MAGI2: variants seen among roughly 807,000 people sequenced by gnomAD.
The protein encoded by MAGI2 is membrane-associated guanylate kinase, WW and PDZ domain-containing protein 2.
Under a neutral mutation model 133.3 loss-of-function variants are expected in MAGI2, and 35 were observed. That is an observed-to-expected ratio of 0.26 (90% CI 0.20 to 0.35). The LOEUF (loss-of-function observed/expected upper bound fraction) is 0.35. Ranked by LOEUF, MAGI2 falls within the 10% of genes least tolerant of loss-of-function variation. The pLI, the probability that MAGI2 is intolerant of heterozygous loss-of-function variation, is 1.00. For missense variants in MAGI2, 1,636 were observed against 1,863.4 expected, an observed-to-expected ratio of 0.88 and a Z score of 2.25; for synonymous variants, 729 against 710.6, an observed-to-expected ratio of 1.03 and a Z score of -0.41.
chr7:78,697,895 GAA>G (rs1208251967), intron 2 of MAGI2, among the ~76,000 whole-genome samples: 1 of 151,810 alleles, frequency 6.6e-6, no homozygotes, highest in Non-Finnish European at 1.5e-5. Context: ...TCCAGCTATA[GAA>G]AAAAAGTATA....
chr7:79,321,501 A>T (rs10237279), intron 1 of MAGI2, among the ~76,000 whole-genome samples: 7,863 of 152,272 alleles, frequency 0.052, 654 homozygotes, highest in African/African-American at 0.18. Context: ...GTTGGAAAGT[A>T]GTGTCTACTG....
At chr7:78,046,182 G>T (rs972933597) in intron 21 of MAGI2, among the ~76,000 whole-genome samples, 2 of 150,952 alleles carry the variant, frequency 1.3e-5, no homozygotes, top group African/African-American at 2.4e-5. Context: ...GATCACTTGA[G>T]GTCAGGAGTT....
chr7:79,440,466 A>T (rs1848427087), intron 1 of MAGI2, among the ~76,000 whole-genome samples: 1 of 152,054 alleles, frequency 6.6e-6, no homozygotes, highest in African/African-American at 2.4e-5. Context: ...AAATTTCTTG[A>T]GCCCTACCAG....
At chr7:79,108,657 C>T (rs577742282) in intron 1 of MAGI2, among the ~76,000 whole-genome samples, 2 of 152,206 alleles carry the variant, frequency 1.3e-5, no homozygotes, top group South Asian at 2.1e-4. Flanking sequence ...TAGATTTTAC[C>T]ATATAACTGT....
At chr7:78,371,295 G>T (rs1338591958) in intron 6 of MAGI2, among the ~76,000 whole-genome samples, 2 of 151,774 alleles carry the variant, frequency 1.3e-5, no homozygotes, top group East Asian at 3.9e-4. Context: ...AGAAGTAAAA[G>T]AATATACAGA....
At chr7:78,799,461 T>C (rs1275700760) in intron 2 of MAGI2, among the ~76,000 whole-genome samples, 1 of 152,188 alleles carries the variant, frequency 6.6e-6, no homozygotes, top group Non-Finnish European at 1.5e-5. Context: ...CACCATTGTG[T>C]ACACATGTAA....
At chr7:78,441,602 T>C (rs1015411499) in intron 6 of MAGI2, among the ~76,000 whole-genome samples, 1 of 151,892 alleles carries the variant, frequency 6.6e-6, no homozygotes, top group African/African-American at 2.4e-5. Context: ...GGTCCCTCTA[T>C]TACAATTAGT....
chr7:78,138,761 C>A (rs528602898), intron 16 of MAGI2, among the ~76,000 whole-genome samples: 14 of 151,838 alleles, frequency 9.2e-5, no homozygotes. Context: ...ATCCTTATAG[C>A]AATAGTGTGA....
intron 6 of MAGI2, among the ~76,000 whole-genome samples, chr7:78,412,375 G>A (rs528134199): frequency 2.0e-5 from 3 of 152,156 alleles, no homozygotes; most frequent in East Asian, 1.9e-4. Flanking sequence ...AAATGATCAC[G>A]GTGCTTGAGG....
chr7:78,043,837 T>G (rs1811114141), intron 21 of MAGI2, among the ~76,000 whole-genome samples: 1 of 152,216 alleles, frequency 6.6e-6, no homozygotes, highest in Non-Finnish European at 1.5e-5. Flanking sequence ...CCTCAAAAAC[T>G]AACAAACTGA....
chr7:79,280,574 T>A (rs190827605), intron 1 of MAGI2, among the ~76,000 whole-genome samples: 33 of 152,226 alleles, frequency 2.2e-4, no homozygotes, highest in South Asian at 1.0e-3. Flanking sequence ...TACATTTTTT[T>A]AAATTTATTT....
At chr7:79,389,323 T>C (rs371802828) in intron 1 of MAGI2, among the ~76,000 whole-genome samples, 4 of 152,268 alleles carry the variant, frequency 2.6e-5, no homozygotes, top group East Asian at 1.9e-4. Flanking sequence ...TAAAATTTCT[T>C]ATGGAATAGC....
At chr7:78,895,522 T>TA (rs5885100) in intron 2 of MAGI2, among the ~76,000 whole-genome samples, 77,766 of 149,900 alleles carry the variant, frequency 0.52, 21,574 homozygotes, top group South Asian at 0.68. Flanking sequence ...TGTAGAGCTT[T>TA]AAAAAAAAAA....
chr7:78,154,101 T>A (rs1432650941), intron 16 of MAGI2, among the ~76,000 whole-genome samples: 1 of 152,248 alleles, frequency 6.6e-6, no homozygotes, highest in Admixed American at 6.5e-5. Context: ...TTTGATTTCA[T>A]CCCTTTTAGG....
At chr7:78,594,641 A>G (rs970000196) in intron 3 of MAGI2, among the ~76,000 whole-genome samples, 1 of 152,198 alleles carries the variant, frequency 6.6e-6, no homozygotes, top group East Asian at 1.9e-4. Flanking sequence ...TATTTTTAGT[A>G]GAGACGGGGT....
At chr7:78,603,419 C>T (rs1473242433) in intron 3 of MAGI2, among the ~76,000 whole-genome samples, 1 of 152,138 alleles carries the variant, frequency 6.6e-6, no homozygotes, top group Non-Finnish European at 1.5e-5. Flanking sequence ...TAGGATGAGA[C>T]AACAAGACCT....
chr7:78,467,825 T>C (rs1211662803), intron 6 of MAGI2, among the ~76,000 whole-genome samples: 1 of 152,126 alleles, frequency 6.6e-6, no homozygotes, highest in Admixed American at 6.6e-5. Context: ...GAAAATCTCA[T>C]AAGGAAAACT....
intron 1 of MAGI2, among the ~76,000 whole-genome samples, chr7:79,275,480 G>A (rs906333200): frequency 6.6e-6 from 1 of 152,192 alleles, no homozygotes; most frequent in Non-Finnish European, 1.5e-5. Context: ...GGTCCATGAA[G>A]TTTAAGGATG....
intron 21 of MAGI2, among the ~76,000 whole-genome samples, chr7:78,073,780 G>C (rs1293879939): frequency 1.3e-5 from 2 of 152,196 alleles, no homozygotes; most frequent in Non-Finnish European, 2.9e-5. Flanking sequence ...TTCCTGTGCA[G>C]TTTTACAACC....
Sources: gnomAD v4.1 joint callset for allele counts (sites outside exome capture counted in the v4.1 genomes callset) on GRCh38, gnomAD v4.1.1 for gene constraint, MANE v1.5 for transcripts, NCBI Gene and HGNC (gene_info 2026-07-23, HGNC 2026-07-21) for gene names.